The following LRRC1 variants were observed in gnomAD, a reference collection of about 807,000 sequenced individuals.
LRRC1 encodes the protein leucine rich repeat containing 1.
A neutral mutation model predicts 69.9 loss-of-function variants in LRRC1; 28 were observed. The observed-to-expected ratio is 0.40, with a 90% CI of 0.30 to 0.55. LRRC1 has a LOEUF of 0.55. Among genes scored for constraint, LRRC1 ranks in the 20% least tolerant of loss-of-function variants. LRRC1 has a pLI of 0.47. For missense variants in LRRC1, 498 were observed against 609.0 expected, an observed-to-expected ratio of 0.82 and a Z score of 1.92; for synonymous variants, 236 against 240.2, an observed-to-expected ratio of 0.98 and a Z score of 0.16.
intron 4 of LRRC1, among the ~76,000 whole-genome samples, chr6:53,892,880 G>A (rs1581904431): frequency 6.6e-6 from 1 of 152,224 alleles, no homozygotes; most frequent in South Asian, 2.1e-4. Context: ...TTGGAACTGA[G>A]AATGACTTGT....
At chr6:53,890,387 T>G (rs1767636940) in intron 4 of LRRC1, among the ~76,000 whole-genome samples, 1 of 152,202 alleles carries the variant, frequency 6.6e-6, no homozygotes, top group Non-Finnish European at 1.5e-5. Flanking sequence ...CTAGGTTCTC[T>G]GGCAGATTGA....
chr6:53,888,769 CAG>C (rs1176315630), intron 4 of LRRC1, among the ~76,000 whole-genome samples: 3 of 152,120 alleles, frequency 2.0e-5, no homozygotes, highest in Non-Finnish European at 4.4e-5. Flanking sequence ...TGTAAGAAAA[CAG>C]GGGTAAATCT....
At chr6:53,826,069 A>G (rs1765246530) in intron 1 of LRRC1, among the ~76,000 whole-genome samples, 1 of 151,244 alleles carries the variant, frequency 6.6e-6, no homozygotes, top group Non-Finnish European at 1.5e-5. Flanking sequence ...CCATCTTTCT[A>G]GTGTGTCTAG....
chr6:53,849,257 A>G (rs1402179256), intron 2 of LRRC1, among the ~76,000 whole-genome samples: 1 of 152,134 alleles, frequency 6.6e-6, no homozygotes, highest in Non-Finnish European at 1.5e-5. Context: ...TTATCCGTAC[A>G]TGCTACGCTC....
At chr6:53,801,546 G>A (rs994400581) in intron 1 of LRRC1, among the ~76,000 whole-genome samples, 13 of 151,992 alleles carry the variant, frequency 8.6e-5, no homozygotes, top group Admixed American at 8.5e-4. Context: ...TGGGGAAACA[G>A]TTGTCATTTC....
intron 8 of LRRC1, 138 bp downstream of exon 8, chr6:53,900,029 T>G (rs955444558): frequency 2.1e-3 from 541 of 251,976 alleles, no homozygotes; most frequent in Non-Finnish European, 2.5e-3. Flanking sequence ...TGTTTTTTTT[T>G]TTTTTTTTTT....
intron 2 of LRRC1, among the ~76,000 whole-genome samples, chr6:53,867,563 T>C (rs1269759390): frequency 6.6e-6 from 1 of 152,226 alleles, no homozygotes; most frequent in Non-Finnish European, 1.5e-5. Context: ...TTCTTAGACA[T>C]TTTATAAATA....
At chr6:53,827,383 G>A (rs564457577) in intron 1 of LRRC1, among the ~76,000 whole-genome samples, 28 of 151,534 alleles carry the variant, frequency 1.8e-4, no homozygotes, top group Non-Finnish European at 3.7e-4. Context: ...TATCTATTGA[G>A]TAGAACTGTG....
At chr6:53,841,813 T>C (rs952950152) in intron 1 of LRRC1, among the ~76,000 whole-genome samples, 1 of 152,192 alleles carries the variant, frequency 6.6e-6, no homozygotes, top group African/African-American at 2.4e-5. Context: ...TTCTGTCTAC[T>C]GGATAGCTTA....
chr6:53,829,843 TG>T (rs1765378843), intron 1 of LRRC1, among the ~76,000 whole-genome samples: 1 of 152,180 alleles, frequency 6.6e-6, no homozygotes, highest in South Asian at 2.1e-4. Flanking sequence ...GGAATGCTGT[TG>T]CTCTTACACT....
At chr6:53,886,046 T>C (rs1334325997) in intron 4 of LRRC1, among the ~76,000 whole-genome samples, 1 of 152,206 alleles carries the variant, frequency 6.6e-6, no homozygotes, top group Non-Finnish European at 1.5e-5. Flanking sequence ...TTAATAAGTG[T>C]TTATGTCCTA....
chr6:53,843,018 G>C (rs1456554269), intron 2 of LRRC1, among the ~76,000 whole-genome samples: 1 of 151,982 alleles, frequency 6.6e-6, no homozygotes, highest in East Asian at 1.9e-4. Context: ...TTCCCAAATG[G>C]GCTGGTACTG....
chr6:53,919,214 T>C (rs1459516352), intron 11 of LRRC1: 1 of 206,156 alleles, frequency 4.9e-6, no homozygotes, highest in African/African-American at 2.4e-5. Flanking sequence ...AAATGTGTCC[T>C]GTAATTTTCT....
chr6:53,871,752 CT>C (rs1766891742), intron 2 of LRRC1, among the ~76,000 whole-genome samples: 1 of 152,184 alleles, frequency 6.6e-6, no homozygotes, highest in Non-Finnish European at 1.5e-5. Flanking sequence ...ACTGCAACCT[CT>C]GCCTCCCAGG....
intron 3 of LRRC1, among the ~76,000 whole-genome samples, chr6:53,880,320 C>T (rs1034816467): frequency 1.3e-4 from 20 of 152,068 alleles, no homozygotes; most frequent in Admixed American, 5.2e-4. Flanking sequence ...TTACTTATCA[C>T]TGTCCCTCCA....
rs1005306450 is a variant in LRRC1, at chr6:53,800,314, C to T, written c.159+4899C>T. Reference sequence around the variant, plus strand: ...TCACCCAGGCTTGAGTGCAGTGGCGCGATCTCAGCTCACTGCAACCTCCGT... The same window carrying T: ...TCACCCAGGCTTGAGTGCAGTGGCGTGATCTCAGCTCACTGCAACCTCCGT... On this transcript the variant is annotated intron_variant, in intron 1 of 13. Coordinates refer to ENST00000370888, the MANE Select transcript of LRRC1 (RefSeq NM_018214.5). Among the ~76,000 whole-genome samples, 13 of 132,462 alleles carry T rather than the reference C, an allele frequency of 9.8e-5. No homozygotes were observed. In the East Asian group the frequency reaches 2.1e-3, roughly 22 times the overall value. The allele number at this position is 132,462 out of a possible 152,430, so 86.9% of individuals were successfully genotyped here. A position where few individuals can be genotyped will look rare whatever the true frequency, so the allele number is the denominator to read the frequency against.
intron 2 of LRRC1, among the ~76,000 whole-genome samples, chr6:53,878,023 C>G (rs950344251): frequency 1.3e-5 from 2 of 152,156 alleles, no homozygotes; most frequent in Non-Finnish European, 2.9e-5. Flanking sequence ...GGAGGCCTCA[C>G]AATCACGGTG....
chr6:53,904,157 T>C (rs1205734028), intron 9 of LRRC1, among the ~76,000 whole-genome samples: 1 of 152,274 alleles, frequency 6.6e-6, no homozygotes, highest in Non-Finnish European at 1.5e-5. Flanking sequence ...TCTCTACTTT[T>C]GACTTCATTC....
rs1472624322 is a variant in LRRC1 at position 53,899,909 on chromosome 6, C to G, written c.787+18C>G. 6.2e-7 allele frequency: 1 copy of G among 1,607,582 alleles called. No individual in the cohort carries two copies. Among genetic ancestry groups the G allele is most frequent in the Non-Finnish European group, 8.5e-7 (1 of 1,175,972 alleles). ...TGGCATTGGTAAGCATTGGAAATCA[C>G]TAACTGCTAAACATACTGCCTGCCG... On this transcript the variant is annotated intron_variant, in intron 8 of 13. Coordinates refer to ENST00000370888, the MANE Select transcript of LRRC1 (RefSeq NM_018214.5).
Sources: gnomAD v4.1 joint callset for allele counts (sites outside exome capture counted in the v4.1 genomes callset) on GRCh38, gnomAD v4.1.1 for gene constraint, MANE v1.5 for transcripts, NCBI Gene and HGNC (gene_info 2026-07-23, HGNC 2026-07-21) for gene names.